Variants in CFAP53 observed in about 807,000 individuals in gnomAD.
CFAP53 encodes cilia and flagella associated protein 53.
A neutral mutation model predicts 59.7 loss-of-function variants in CFAP53; 62 were observed. The observed-to-expected ratio is 1.04, with a 90% CI of 0.85 to 1.28. CFAP53 has a LOEUF of 1.28. CFAP53 is among the 50% of genes most tolerant of loss of function. The pLI is 0.00. For synonymous variants in CFAP53, 218 were observed against 205.7 expected (o/e 1.06, Z -0.51); for missense variants, 629 against 615.6 (o/e 1.02, Z -0.23).
In CFAP53 at chr18:50,250,832, C is replaced by T; in HGVS notation, c.922G>A (p.Asp308Asn). The stretch of plus-strand genomic sequence containing the variant: ...CTTTGCACGAGCTTCATGTTCAAGT[C>T]CTGTTCGTCTCTGTATTCCTGCTGA... Reference protein sequence around the residue: ...HIQQEYRDEQDLNMKLVQRAL... With the variant: ...HIQQEYRDEQNLNMKLVQRAL... Residue 308 changes from aspartate (D) to asparagine (N), a missense_variant, in exon 5 of 8, where the codon GAC (aspartate) becomes AAC (asparagine). Asp to Asn is a conservative substitution (Grantham distance 23). Coordinates refer to ENST00000398545, the MANE Select transcript of CFAP53 (RefSeq NM_145020.5). The T allele has an allele frequency of 6.2e-7, 1 of 1,614,172 alleles. No individual in the cohort carries two copies. Among genetic ancestry groups the T allele is most frequent in the Non-Finnish European group, 8.5e-7 (1 of 1,180,024 alleles).
Position 50,227,400 on chromosome 18 carries a change from G to A in CFAP53, c.1526C>T (p.Pro509Leu), listed in dbSNP as rs974187795. 3.1e-6 allele frequency: 5 copies of A among 1,613,096 alleles called. No homozygotes were observed. Among genetic ancestry groups the A allele is most frequent in the Non-Finnish European group, 4.2e-6 (5 of 1,179,214 alleles). Residue 509 changes from proline to leucine, a missense_variant, in exon 8 of 8, where the codon CCC becomes CTC. Transcript: ENST00000398545. ...QNIHPMRKAC[P>L]SKLPP ...ACGGAACTACGGTGGAAGCTTACTGGGGCATGCCTTGCGCATGGGATGAAT... is the reference window on the plus strand; with the variant it reads ...ACGGAACTACGGTGGAAGCTTACTGAGGCATGCCTTGCGCATGGGATGAAT...
chr18:50,237,386 AC>A (rs2033648201), intron 7 of CFAP53, among the ~76,000 whole-genome samples: 1 of 73,458 alleles, frequency 1.4e-5, no homozygotes, highest in Non-Finnish European at 2.7e-5. Context: ...ACACACACAT[AC>A]ACACACACAC....
At chr18:50,256,515 C>T (rs1299618358) in intron 3 of CFAP53, 1 of 152,190 alleles carries the variant, frequency 6.6e-6, no homozygotes, top group African/African-American at 2.4e-5. Flanking sequence ...CGGGTTTCTT[C>T]ACTGCCCTCC....
intron 7 of CFAP53, among the ~76,000 whole-genome samples, chr18:50,233,062 G>A (rs1212878636): frequency 6.6e-6 from 1 of 152,180 alleles, no homozygotes; most frequent in Admixed American, 6.5e-5. Flanking sequence ...TGGTTAACCT[G>A]CACTATAAAG....
intron 5 of CFAP53, among the ~76,000 whole-genome samples, chr18:50,244,240 T>C (rs2033720992): frequency 6.6e-6 from 1 of 152,168 alleles, no homozygotes; most frequent in African/African-American, 2.4e-5. Context: ...AATTCCCATG[T>C]GTGAGGGGAG....
At chr18:50,265,621 C>T (rs2033948276) in intron 1 of CFAP53, among the ~76,000 whole-genome samples, 1 of 152,216 alleles carries the variant, frequency 6.6e-6, no homozygotes, top group Non-Finnish European at 1.5e-5. Context: ...AGCAATAACT[C>T]TGCCTACATG....
intron 4 of CFAP53, 28 bp downstream of exon 4, chr18:50,251,452 AC>A (rs776224168): frequency 6.3e-7 from 1 of 1,588,034 alleles, no homozygotes; most frequent in South Asian, 1.1e-5. Context: ...GGCGTTGATC[AC>A]CCTCTAACAA....
chr18:50,234,428 C>G (rs1383179290), intron 7 of CFAP53, among the ~76,000 whole-genome samples: 1 of 152,160 alleles, frequency 6.6e-6, no homozygotes, highest in Non-Finnish European at 1.5e-5. Flanking sequence ...AACTTTCCTC[C>G]CTTATGCATG....
chr18:50,243,775 C>G (rs1481371680), intron 5 of CFAP53, among the ~76,000 whole-genome samples: 1 of 151,982 alleles, frequency 6.6e-6, no homozygotes, highest in African/African-American at 2.4e-5. Context: ...CATGGTGAAA[C>G]CCCGTCTCTA....
intron 3 of CFAP53, among the ~76,000 whole-genome samples, chr18:50,259,912 G>A (rs766683005): frequency 3.3e-5 from 5 of 152,318 alleles, no homozygotes; most frequent in Non-Finnish European, 7.3e-5. Context: ...AAATATAACT[G>A]AGGAATTATA....
chr18:50,234,845 G>A (rs1304222731), intron 7 of CFAP53, among the ~76,000 whole-genome samples: 2 of 152,230 alleles, frequency 1.3e-5, no homozygotes, highest in Non-Finnish European at 2.9e-5. Context: ...TCATTATAGA[G>A]AGGAATGGTC....
chr18:50,230,448 T>G (rs1404136170), intron 7 of CFAP53, among the ~76,000 whole-genome samples: 1 of 152,200 alleles, frequency 6.6e-6, no homozygotes, highest in African/African-American at 2.4e-5. Flanking sequence ...GAAAGGATGG[T>G]GCACCCGCAG....
chr18:50,257,702 C>A (rs1397832601), intron 3 of CFAP53, among the ~76,000 whole-genome samples: 1 of 152,148 alleles, frequency 6.6e-6, no homozygotes, highest in Non-Finnish European at 1.5e-5. Flanking sequence ...AATCTACAGA[C>A]AAAACGCAAT....
At position 50,238,686 on chromosome 18, in the gene CFAP53, T is replaced by C. The variant is rs758920609; in HGVS notation, c.1233A>G (p.Glu411=). 6.2e-7 allele frequency: 1 copy of C among 1,611,334 alleles called. No homozygotes were observed. Among genetic ancestry groups the C allele is most frequent in the South Asian group, 1.1e-5 (1 of 90,548 alleles). ...TCTGTTCCATAGCACGTTCTTCCTG[T>C]TCTTTAGCTTCTCGTTGCACTAAGA... is the stretch of plus-strand genomic sequence containing the variant. ...VQEKLQREAK[E]QEERAMEQKH... is the part of the protein sequence containing the mutation. Residue 411 remains glutamate (E), a synonymous_variant, in exon 7 of 8, where the codon GAA becomes GAG. Coordinates refer to ENST00000398545, the MANE Select transcript of CFAP53 (RefSeq NM_145020.5).
chr18:50,249,117 C>T (rs185531391), intron 5 of CFAP53, among the ~76,000 whole-genome samples: 3 of 149,714 alleles, frequency 2.0e-5, no homozygotes, highest in Admixed American at 6.8e-5. Flanking sequence ...ACAGGAAAAG[C>T]GCTTGAACCC....
intron 3 of CFAP53, among the ~76,000 whole-genome samples, chr18:50,254,152 G>A (rs374519755): frequency 8.9e-5 from 13 of 146,218 alleles, no homozygotes; most frequent in African/African-American, 3.3e-4. Flanking sequence ...AAAAAGATAA[G>A]CTATAGTCTA....
At chr18:50,251,125 T>A (rs1027821231) in intron 4 of CFAP53, 149 bp from the exon 5 acceptor site, 1 of 700,810 alleles carries the variant, frequency 1.4e-6, no homozygotes, top group African/African-American at 1.8e-5. Flanking sequence ...ACCTTCCTTT[T>A]CGTAGCTGAG....
Position 50,242,499 on chromosome 18 carries a change from C to T in CFAP53, c.1213+401G>A, listed in dbSNP as rs192638967. The stretch of plus-strand genomic sequence containing the variant: ...AATCTTCACAATTTATGTTCTTCTG[C>T]TGTGGCTTCAGCCGGTCCCTCCATT... On this transcript the variant is annotated intron_variant, in intron 6 of 7. Transcript: ENST00000398545. 9.3e-3 allele frequency among the ~76,000 whole-genome samples: 1,412 copies of T among 152,270 alleles called. 30 individuals are homozygous for T. The highest frequency in any genetic ancestry group is 0.032 in the African/African-American group (1,333 of 41,544).
intron 7 of CFAP53, among the ~76,000 whole-genome samples, chr18:50,234,831 G>T (rs2033615652): frequency 6.6e-6 from 1 of 152,232 alleles, no homozygotes; most frequent in Non-Finnish European, 1.5e-5. Flanking sequence ...CACCACTGAT[G>T]ATCTCATTAT....
Sources: allele counts gnomAD v4.1 joint callset (sites outside exome capture counted in the v4.1 genomes callset), GRCh38; gene constraint gnomAD v4.1.1; transcripts MANE v1.5; gene names NCBI Gene and HGNC (gene_info 2026-07-23, HGNC 2026-07-21).